Variants in ANO5 observed in about 807,000 individuals in gnomAD.
The protein encoded by ANO5 is anoctamin-5.
A neutral mutation model predicts 121.0 loss-of-function variants in ANO5; 109 were observed. That is an observed-to-expected ratio of 0.90 (90% CI 0.77 to 1.06). The LOEUF (loss-of-function observed/expected upper bound fraction) is 1.06, where lower values mean the gene tolerates loss of function less well. Ranked by LOEUF, ANO5 falls within the 50% of genes least tolerant of loss-of-function variation. The pLI is 0.00. For missense variants in ANO5, 1,064 were observed against 1,078.5 expected (o/e 0.99, Z 0.19); for synonymous variants, 406 against 359.9 (o/e 1.13, Z -1.45).
At chr11:22,208,063 C>T (rs927431900) in intron 2 of ANO5, among the ~76,000 whole-genome samples, 1 of 152,004 alleles carries the variant, frequency 6.6e-6, no homozygotes, top group Non-Finnish European at 1.5e-5. Context: ...AACTAGATCT[C>T]TCACACAATG....
At chr11:22,255,548 C>G (rs1853975735) in intron 13 of ANO5, 26 bp downstream of exon 13, 29 of 1,610,482 alleles carry the variant, frequency 1.8e-5, no homozygotes, top group South Asian at 1.1e-4. Flanking sequence ...GTGAAACGGA[C>G]AGCATATCTC....
intron 12 of ANO5, among the ~76,000 whole-genome samples, chr11:22,252,278 G>A (rs1853851521): frequency 6.6e-6 from 1 of 152,056 alleles, no homozygotes; most frequent in Non-Finnish European, 1.5e-5. Context: ...CATTTTTCAT[G>A]AGGCTGCCAA....
chr11:22,201,224 A>G (rs1451563086), intron 1 of ANO5, among the ~76,000 whole-genome samples: 1 of 152,182 alleles, frequency 6.6e-6, no homozygotes, highest in East Asian at 1.9e-4. Flanking sequence ...TCGCTCATTC[A>G]ATTTTTCAAT....
In ANO5 at chr11:22,250,896, T is replaced by A. The variant is rs757739415; in HGVS notation, c.1119+50T>A. Reference sequence around the variant, plus strand: ...AAAAGACTTGGAATTTTCCTCCTTTTTATTACATTTAGTACTAAATTATCT... The same window carrying A: ...AAAAGACTTGGAATTTTCCTCCTTTATATTACATTTAGTACTAAATTATCT... On this transcript the variant is annotated intron_variant, in intron 11 of 21. Transcript: ENST00000324559. The A allele has an allele frequency of 3.1e-6, 5 of 1,609,592 alleles. No homozygotes were observed. In the East Asian group the frequency reaches 1.1e-4, roughly 36 times the overall value.
At chr11:22,276,060 ATTTT>A in intron 20 of ANO5, 30 bp from the exon 21 acceptor site, 3 of 1,054,330 alleles carry the variant, frequency 2.8e-6, no homozygotes, top group Admixed American at 1.9e-5. Context: ...AACTATTATT[ATTTT>A]TTTTTTTTGC....
Position 22,272,787 on chromosome 11 carries a change from C to T in ANO5, c.2033C>T (p.Thr678Ile), listed in dbSNP as rs755923727. The T allele has an allele frequency of 6.2e-7, 1 of 1,613,574 alleles. No individual in the cohort carries two copies. Among genetic ancestry groups the T allele is most frequent in the South Asian group, 1.1e-5 (1 of 91,054 alleles). Reference protein sequence around the residue: ...GLFYEYLETVTQFGFVTLFVA... With the variant: ...GLFYEYLETVIQFGFVTLFVA... The stretch of plus-strand genomic sequence containing the variant: ...TGCCTTTTTCTTTTCTCTACAGTTA[C>T]TCAATTTGGATTTGTTACACTATTT... Residue 678 changes from threonine to isoleucine, a missense_variant, in exon 19 of 22, where the codon ACT becomes ATT. By Grantham distance (89) the Thr-to-Ile change is moderately conservative (BLOSUM62 -1). Coordinates refer to ENST00000324559, the MANE Select transcript of ANO5 (RefSeq NM_213599.3).
chr11:22,213,177 TG>T (rs1852335678), intron 3 of ANO5, among the ~76,000 whole-genome samples: 1 of 151,876 alleles, frequency 6.6e-6, no homozygotes, highest in Non-Finnish European at 1.5e-5. Flanking sequence ...ATGGTACATT[TG>T]TAACAATTAA....
At chr11:22,243,064 AG>A (rs1853484339) in intron 9 of ANO5, among the ~76,000 whole-genome samples, 1 of 151,988 alleles carries the variant, frequency 6.6e-6, no homozygotes, top group Non-Finnish European at 1.5e-5. Flanking sequence ...TATTATTTTG[AG>A]GTATGTTCAT....
At chr11:22,205,886 A>G (rs929888120) in intron 2 of ANO5, among the ~76,000 whole-genome samples, 4 of 152,142 alleles carry the variant, frequency 2.6e-5, no homozygotes, top group Admixed American at 6.5e-5. Context: ...CCAATTCTTC[A>G]AGAAGCACAA....
At chr11:22,200,331 A>G (rs1163231967) in intron 1 of ANO5, among the ~76,000 whole-genome samples, 3 of 152,144 alleles carry the variant, frequency 2.0e-5, no homozygotes, top group Non-Finnish European at 4.4e-5. Flanking sequence ...ATGTTTTCCC[A>G]TCATACTTTC....
chr11:22,200,265 A>G (rs561284753), intron 1 of ANO5, among the ~76,000 whole-genome samples: 1 of 152,274 alleles, frequency 6.6e-6, no homozygotes, highest in African/African-American at 2.4e-5. Flanking sequence ...TGATAGATTC[A>G]TGTCATTAAT....
chr11:22,257,001 C>T (rs1854022347), intron 13 of ANO5, among the ~76,000 whole-genome samples: 1 of 152,070 alleles, frequency 6.6e-6, no homozygotes, highest in Non-Finnish European at 1.5e-5. Context: ...TTTATTCAGA[C>T]CACCCTAAAA....
intron 7 of ANO5, among the ~76,000 whole-genome samples, chr11:22,232,117 A>G (rs137874484): frequency 9.9e-5 from 15 of 152,154 alleles, no homozygotes; most frequent in Non-Finnish European, 2.2e-4. Context: ...TAAAAATGCA[A>G]TCATACAGTA....
At chr11:22,269,294 GGAAAGAA>G (rs1164135564) in intron 17 of ANO5, among the ~76,000 whole-genome samples, 1 of 37,244 alleles carries the variant, frequency 2.7e-5, no homozygotes, top group East Asian at 4.3e-4. Flanking sequence ...AAGGGAAGAA[GGAAAGAA>G]GAAAGGAAGG....
intron 3 of ANO5, among the ~76,000 whole-genome samples, chr11:22,212,687 C>G (rs76061224): frequency 9.3e-4 from 142 of 151,916 alleles, no homozygotes; most frequent in African/African-American, 3.3e-3. Context: ...GGCACAGTAT[C>G]TTAGTATCAT....
chr11:22,223,278 G>A (rs1342541158), intron 5 of ANO5, among the ~76,000 whole-genome samples: 1 of 151,952 alleles, frequency 6.6e-6, no homozygotes, highest in African/African-American at 2.4e-5. Context: ...AACGAGCAAG[G>A]GAAAAAGCTT....
intron 15 of ANO5, among the ~76,000 whole-genome samples, chr11:22,260,095 T>C (rs1854145019): frequency 6.6e-6 from 1 of 152,238 alleles, no homozygotes; most frequent in African/African-American, 2.4e-5. Flanking sequence ...ATGGTTCTTA[T>C]AAAGTATTGA....
intron 7 of ANO5, among the ~76,000 whole-genome samples, chr11:22,228,022 ACT>A (rs1852905273): frequency 6.6e-6 from 1 of 152,080 alleles, no homozygotes; most frequent in Non-Finnish European, 1.5e-5. Context: ...AAACCTCAAA[ACT>A]TTTTTTTCCC....
chr11:22,194,156 G>A (rs1851738680), intron 1 of ANO5, among the ~76,000 whole-genome samples: 1 of 152,138 alleles, frequency 6.6e-6, no homozygotes, highest in Admixed American at 6.5e-5. Context: ...CTTTAGTTCC[G>A]TTGAGAAATA....
Sources: allele counts gnomAD v4.1 joint callset (sites outside exome capture counted in the v4.1 genomes callset), GRCh38; gene constraint gnomAD v4.1.1; transcripts MANE v1.5; gene names NCBI Gene and HGNC (gene_info 2026-07-23, HGNC 2026-07-21).